The following SLC24A2 variants were observed in gnomAD, a reference collection of about 807,000 sequenced individuals.
The protein encoded by SLC24A2 is sodium/potassium/calcium exchanger 2.
A neutral mutation model predicts 62.0 loss-of-function variants in SLC24A2; 36 were observed. That is an observed-to-expected ratio of 0.58 (90% CI 0.44 to 0.77). The LOEUF (loss-of-function observed/expected upper bound fraction) is 0.77, where lower values mean the gene tolerates loss of function less well. Among genes scored for constraint, SLC24A2 ranks in the 30% least tolerant of loss-of-function variants. The pLI, the probability that SLC24A2 is intolerant of heterozygous loss-of-function variation, is 0.00. For synonymous variants in SLC24A2, 358 were observed against 294.0 expected, an observed-to-expected ratio of 1.22 and a Z score of -2.23; for missense variants, 846 against 817.9, an observed-to-expected ratio of 1.03 and a Z score of -0.42.
the SLC24A2 span, among the ~76,000 whole-genome samples, chr9:20,206,864 T>C: frequency 2.2e-5 from 2 of 92,482 alleles, no homozygotes; most frequent in Non-Finnish European, 4.5e-5. Context: ...ATAACCCTCA[T>C]AAAAAAAAAA....
intron 7 of SLC24A2, among the ~76,000 whole-genome samples, chr9:19,552,804 G>A (rs1041504560): frequency 6.6e-6 from 1 of 152,158 alleles, no homozygotes; most frequent in Non-Finnish European, 1.5e-5. Context: ...TTCTCCATCT[G>A]CCAAAGTCAC....
At chr9:20,267,074 C>G in the SLC24A2 span, among the ~76,000 whole-genome samples, 1 of 135,590 alleles carries the variant, frequency 7.4e-6, no homozygotes, top group Non-Finnish European at 1.6e-5. Context: ...AAAAAAAAAG[C>G]TGGTTTGGTT....
At chr9:20,133,797 C>T in the SLC24A2 span, among the ~76,000 whole-genome samples, 16 of 152,114 alleles carry the variant, frequency 1.1e-4, no homozygotes, top group Admixed American at 1.0e-3. Flanking sequence ...GAACAGTAAG[C>T]TCAGCCTGCC....
chr9:19,996,775 C>T, the SLC24A2 span, among the ~76,000 whole-genome samples: 1 of 149,572 alleles, frequency 6.7e-6, no homozygotes, highest in African/African-American at 2.5e-5. Context: ...AAAGGAGATC[C>T]ATCATGATTA....
At chr9:19,779,954 T>C (rs7028107) in intron 2 of SLC24A2, among the ~76,000 whole-genome samples, 2 of 151,864 alleles carry the variant, frequency 1.3e-5, no homozygotes, top group Non-Finnish European at 2.9e-5. Context: ...TGCCGCTACT[T>C]GGGAGGCTGA....
At chr9:19,596,798 A>G (rs12346183) in intron 5 of SLC24A2, among the ~76,000 whole-genome samples, 18,104 of 152,216 alleles carry the variant, frequency 0.12, 1,147 homozygotes, top group African/African-American at 0.14. Context: ...CTGGGTATAG[A>G]AGATACTTCA....
chr9:19,913,657 GT>G, the SLC24A2 span, among the ~76,000 whole-genome samples: 1 of 152,068 alleles, frequency 6.6e-6, no homozygotes, highest in Admixed American at 6.6e-5. Context: ...TGCTTTCATT[GT>G]ATTTCATGAG....
chr9:19,830,172 C>G, the SLC24A2 span, among the ~76,000 whole-genome samples: 1 of 152,024 alleles, frequency 6.6e-6, no homozygotes, highest in African/African-American at 2.4e-5. Context: ...TGAGTAGAGC[C>G]CACTGACATC....
At chr9:19,644,888 G>A (rs995030719) in intron 2 of SLC24A2, among the ~76,000 whole-genome samples, 3 of 151,942 alleles carry the variant, frequency 2.0e-5, no homozygotes, top group Non-Finnish European at 4.4e-5. Context: ...CTCATTCTGT[G>A]ATTTCTGAAA....
the SLC24A2 span, among the ~76,000 whole-genome samples, chr9:19,865,116 G>T: frequency 1.3e-4 from 19 of 151,974 alleles, no homozygotes; most frequent in Admixed American, 9.2e-4. Flanking sequence ...CGTAGGAATC[G>T]ACTTAACCGA....
intron 8 of SLC24A2, among the ~76,000 whole-genome samples, chr9:19,541,868 C>A (rs546321870): frequency 1.2e-3 from 178 of 151,980 alleles, no homozygotes; most frequent in African/African-American, 4.0e-3. Flanking sequence ...ATTCCGTGGG[C>A]GTAGGACCCT....
At chr9:20,180,994 G>T in the SLC24A2 span, among the ~76,000 whole-genome samples, 1 of 152,050 alleles carries the variant, frequency 6.6e-6, no homozygotes, top group Non-Finnish European at 1.5e-5. Context: ...GCTCTCTTTG[G>T]TCATGAGCCC....
chr9:19,833,427 AT>A, the SLC24A2 span, among the ~76,000 whole-genome samples: 7 of 152,200 alleles, frequency 4.6e-5, no homozygotes, highest in African/African-American at 7.2e-5. Context: ...CCAGGAGATT[AT>A]ATCCTGCACC....
At chr9:20,126,780 C>T in the SLC24A2 span, among the ~76,000 whole-genome samples, 2 of 152,072 alleles carry the variant, frequency 1.3e-5, no homozygotes, top group East Asian at 3.9e-4. Flanking sequence ...CTTAATTATA[C>T]CAGTCCTGAA....
the SLC24A2 span, among the ~76,000 whole-genome samples, chr9:19,870,036 A>G: frequency 6.6e-6 from 1 of 152,230 alleles, no homozygotes; most frequent in Non-Finnish European, 1.5e-5. Flanking sequence ...ATATAATCAC[A>G]TAATATAACA....
the SLC24A2 span, among the ~76,000 whole-genome samples, chr9:20,255,859 G>A: frequency 1.3e-5 from 2 of 152,184 alleles, no homozygotes; most frequent in Non-Finnish European, 2.9e-5. Context: ...GAAGCAAGTT[G>A]AGCCCAGCTC....
chr9:19,968,116 G>A, the SLC24A2 span: 1 of 152,138 alleles, frequency 6.6e-6, no homozygotes, highest in Non-Finnish European at 1.5e-5. Flanking sequence ...TTTGTATTCA[G>A]ATTAAATGAG....
chr9:19,848,879 G>C, the SLC24A2 span, among the ~76,000 whole-genome samples: 1 of 152,174 alleles, frequency 6.6e-6, no homozygotes, highest in Non-Finnish European at 1.5e-5. Flanking sequence ...ATGTTGACCT[G>C]AAATAATCTG....
intron 8 of SLC24A2, among the ~76,000 whole-genome samples, chr9:19,534,505 C>G (rs1216345090): frequency 6.6e-6 from 1 of 152,102 alleles, no homozygotes; most frequent in Non-Finnish European, 1.5e-5. Context: ...TCTCCCTCCC[C>G]TAGCCCCCCA....
Sources: gnomAD v4.1 joint callset for allele counts (sites outside exome capture counted in the v4.1 genomes callset) on GRCh38, gnomAD v4.1.1 for gene constraint, MANE v1.5 for transcripts, NCBI Gene and HGNC (gene_info 2026-07-23, HGNC 2026-07-21) for gene names.